CTNNA2: variants seen among roughly 807,000 people sequenced by gnomAD.
The protein encoded by CTNNA2 is catenin alpha-2.
CTNNA2 carries 42 observed loss-of-function variants against 101.0 expected under a neutral mutation model. The ratio of observed to expected loss-of-function variants is 0.42; its 90% CI spans 0.32 to 0.54. The LOEUF is 0.54. CTNNA2 is among the 20% of genes least tolerant of loss of function. The pLI is 0.14. For synonymous variants in CTNNA2, 450 were observed against 456.4 expected, an observed-to-expected ratio of 0.99 and a Z score of 0.18; for missense variants, 871 against 1,223.1, an observed-to-expected ratio of 0.71 and a Z score of 4.29.
At chr2:79,217,775 T>C (rs577849657) in intron 2 of CTNNA2, among the ~76,000 whole-genome samples, 2 of 152,260 alleles carry the variant, frequency 1.3e-5, no homozygotes, top group South Asian at 4.1e-4. Flanking sequence ...ATTGAAAATA[T>C]AGCCTGACTT....
At chr2:80,066,763 A>G (rs72813788) in intron 7 of CTNNA2, among the ~76,000 whole-genome samples, 390 of 152,354 alleles carry the variant, frequency 2.6e-3, no homozygotes, top group Non-Finnish European at 4.9e-3. Context: ...TGAAATCAGT[A>G]TGTTGAAAAG....
chr2:80,201,936 A>G (rs1342586100), intron 7 of CTNNA2, among the ~76,000 whole-genome samples: 1 of 152,136 alleles, frequency 6.6e-6, no homozygotes, highest in African/African-American at 2.4e-5. Flanking sequence ...GCTACATTTT[A>G]ATGGGCCTAA....
At chr2:79,198,805 C>T (rs567755422) in intron 2 of CTNNA2, among the ~76,000 whole-genome samples, 61 of 132,194 alleles carry the variant, frequency 4.6e-4, no homozygotes, top group African/African-American at 1.4e-3. Context: ...TATAGTTTTC[C>T]GGCTGTTAAA....
chr2:79,331,797 A>G (rs1055356298), intron 3 of CTNNA2, among the ~76,000 whole-genome samples: 2 of 152,206 alleles, frequency 1.3e-5, no homozygotes, highest in African/African-American at 4.8e-5. Flanking sequence ...GCTAATTATC[A>G]AAAGGATTCA....
intron 3 of CTNNA2, among the ~76,000 whole-genome samples, chr2:79,853,215 G>A (rs1401645586): frequency 1.3e-5 from 2 of 151,916 alleles, no homozygotes; most frequent in East Asian, 3.9e-4. Context: ...CTGGAGTGGT[G>A]CAATGATAGT....
chr2:80,340,704 G>T (rs887569218), intron 7 of CTNNA2, among the ~76,000 whole-genome samples: 1 of 152,114 alleles, frequency 6.6e-6, no homozygotes, highest in Non-Finnish European at 1.5e-5. Flanking sequence ...TTATATACAG[G>T]CTTTGGGAAA....
At chr2:79,783,275 A>G (rs1470766307) in intron 3 of CTNNA2, among the ~76,000 whole-genome samples, 3 of 152,162 alleles carry the variant, frequency 2.0e-5, no homozygotes, top group Non-Finnish European at 2.9e-5. Flanking sequence ...ATTTGGTCAC[A>G]TGACCTTTGT....
intron 2 of CTNNA2, among the ~76,000 whole-genome samples, chr2:79,661,441 A>C (rs1682029773): frequency 6.6e-6 from 1 of 152,240 alleles, no homozygotes; most frequent in African/African-American, 2.4e-5. Context: ...GAGTCTATGA[A>C]ATGACTGTGT....
intron 11 of CTNNA2, among the ~76,000 whole-genome samples, chr2:80,547,256 G>C (rs1692155458): frequency 6.6e-6 from 1 of 152,134 alleles, no homozygotes; most frequent in Non-Finnish European, 1.5e-5. Context: ...AGGCAGATGG[G>C]AACATTGATG....
chr2:79,517,683 A>G (rs978458004), intron 1 of CTNNA2, among the ~76,000 whole-genome samples: 6 of 152,122 alleles, frequency 3.9e-5, no homozygotes, highest in African/African-American at 1.4e-4. Flanking sequence ...GTGAATTTTT[A>G]CCTCAGAGCT....
intron 7 of CTNNA2, among the ~76,000 whole-genome samples, chr2:80,374,365 T>G (rs184781577): frequency 1.3e-5 from 2 of 152,304 alleles, no homozygotes; most frequent in Admixed American, 1.3e-4. Flanking sequence ...GCCAGCTGCA[T>G]CCATGTTGCT....
At chr2:80,637,040 T>C (rs1440313320) in intron 18 of CTNNA2, among the ~76,000 whole-genome samples, 1 of 152,030 alleles carries the variant, frequency 6.6e-6, no homozygotes, top group Non-Finnish European at 1.5e-5. Context: ...GCCAAGATGG[T>C]GGTAGCTTCA....
At chr2:79,471,455 C>T (rs1423353482) in intron 4 of CTNNA2, among the ~76,000 whole-genome samples, 2 of 152,144 alleles carry the variant, frequency 1.3e-5, no homozygotes, top group Non-Finnish European at 2.9e-5. Flanking sequence ...TGAGGGCTCT[C>T]ATGGCTCCCT....
At chr2:80,014,314 A>G (rs929100187) in intron 7 of CTNNA2, among the ~76,000 whole-genome samples, 2 of 152,050 alleles carry the variant, frequency 1.3e-5, no homozygotes, top group Non-Finnish European at 2.9e-5. Context: ...GGTGTGGTAA[A>G]GGGCATGGTT....
intron 4 of CTNNA2, among the ~76,000 whole-genome samples, chr2:79,418,817 TA>T (rs1678510257): frequency 1.3e-5 from 2 of 152,278 alleles, no homozygotes; most frequent in East Asian, 3.9e-4. Context: ...TGGATAAATC[TA>T]AATGCTCCCT....
intron 2 of CTNNA2, among the ~76,000 whole-genome samples, chr2:79,703,032 T>C (rs907084510): frequency 1.3e-5 from 2 of 152,152 alleles, no homozygotes; most frequent in Non-Finnish European, 2.9e-5. Context: ...GAAGCACTGA[T>C]GAAATAAACA....
At chr2:80,073,771 C>CACACACACACACACACACACTT (rs1553443664) in intron 7 of CTNNA2, among the ~76,000 whole-genome samples, 1 of 146,388 alleles carries the variant, frequency 6.8e-6, no homozygotes, top group Non-Finnish European at 1.5e-5. Context: ...CACACACACA[C>CACACACACACACACACACACTT]TTATAGGATT....
At chr2:79,796,668 G>A (rs1675729017) in intron 3 of CTNNA2, among the ~76,000 whole-genome samples, 1 of 152,198 alleles carries the variant, frequency 6.6e-6, no homozygotes, top group African/African-American at 2.4e-5. Flanking sequence ...TTTTGGGCAG[G>A]TCCAGGGTTT....
upstream of CTNNA2, among the ~76,000 whole-genome samples, chr2:79,508,955 GTATATATATA>G (rs530470576): frequency 3.8e-3 from 343 of 90,442 alleles, 2 homozygotes; most frequent in Non-Finnish European, 4.0e-3. Flanking sequence ...CACCATTGCA[GTATATATATA>G]TATATATATA....
Sources: gnomAD v4.1 joint callset for allele counts (sites outside exome capture counted in the v4.1 genomes callset) on GRCh38, gnomAD v4.1.1 for gene constraint, MANE v1.5 for transcripts, NCBI Gene and HGNC (gene_info 2026-07-23, HGNC 2026-07-21) for gene names.